Variants in EIF4A1 observed in about 807,000 individuals in gnomAD.
EIF4A1 encodes eukaryotic translation initiation factor 4A1.
Under a neutral mutation model 53.5 loss-of-function variants are expected in EIF4A1, and 11 were observed. The observed-to-expected ratio is 0.21, with a 90% CI of 0.13 to 0.34. The LOEUF is 0.34. EIF4A1 is among the 10% of genes least tolerant of loss of function. The pLI is 1.00. For synonymous variants in EIF4A1, 237 were observed against 186.7 expected (o/e 1.27, Z -2.20); for missense variants, 213 against 530.8 (o/e 0.40, Z 5.88).
At chr17:7,578,063 T>G in intron 9 of EIF4A1, 102 bp from the exon 10 acceptor site, 1 of 1,581,636 alleles carries the variant, frequency 6.3e-7, no homozygotes, top group African/African-American at 1.3e-5. Flanking sequence ...GATGCTTATT[T>G]CCTCTGCCTT....
chr17:7,574,376 C>T (rs1236463271), intron 2 of EIF4A1, 68 bp downstream of exon 2: 14 of 1,610,462 alleles, frequency 8.7e-6, no homozygotes, highest in South Asian at 4.4e-5. Flanking sequence ...GTTAGAGTGG[C>T]CTCTTGATTG....
At position 7,575,168 on chromosome 17, in the gene EIF4A1, A is replaced by C. The variant is rs1420564772; in HGVS notation, c.255A>C (p.Thr85=). 1 of 1,612,626 alleles carries C rather than the reference A, an allele frequency of 6.2e-7. No individual in the cohort carries two copies. Among genetic ancestry groups the C allele is most frequent in the African/African-American group, 1.3e-5 (1 of 74,866 alleles). The change falls in exon 4 of 11, where the codon ACA becomes ACC. Residue 85 remains threonine, a synonymous_variant. Coordinates refer to ENST00000293831, the MANE Select transcript of EIF4A1 (RefSeq NM_001416.4). ...AATCTGGGACTGGGAAAACGGCCACATTTGCCATATCGATTCTGCAGCAGA... is the reference window on the plus strand; with the variant it reads ...AATCTGGGACTGGGAAAACGGCCACCTTTGCCATATCGATTCTGCAGCAGA... ...QAQSGTGKTA[T]FAISILQQIE...
chr17:7,578,328 T>C lies in EIF4A1; in HGVS notation c.1077-14T>C. ...AAGCTCCTGATATTCCTCATCCCCTTCCTTGTTTTCCAGAATCGGTCGAGG... is the reference window on the plus strand; with the variant it reads ...AAGCTCCTGATATTCCTCATCCCCTCCCTTGTTTTCCAGAATCGGTCGAGG... On this transcript the variant is annotated splice_polypyrimidine_tract_variant and intron_variant, in intron 10 of 10. Coordinates refer to ENST00000293831, the MANE Select transcript of EIF4A1 (RefSeq NM_001416.4). 6 of 1,612,718 alleles carry C rather than the reference T, an allele frequency of 3.7e-6. No homozygotes were observed. The highest frequency in any genetic ancestry group is 1.3e-5 in the African/African-American group (1 of 74,976).
At chr17:7,574,433 G>T in intron 2 of EIF4A1, 113 bp from the exon 3 acceptor site, 8 of 1,601,248 alleles carry the variant, frequency 5.0e-6, no homozygotes, top group Non-Finnish European at 6.8e-6. Flanking sequence ...AAGGGAGGAG[G>T]GTTGTAAGCT....
intron 4 of EIF4A1, 154 bp downstream of exon 4, chr17:7,575,412 CT>C: frequency 8.9e-7 from 1 of 1,128,762 alleles, no homozygotes; most frequent in Non-Finnish European, 1.3e-6. Context: ...AAAGCTATTT[CT>C]TACCCAAACG....
At chr17:7,572,920 C>A in intron 1 of EIF4A1, 56 bp downstream of exon 1, 1 of 1,614,026 alleles carries the variant, frequency 6.2e-7, no homozygotes, top group Non-Finnish European at 8.5e-7. Context: ...CCCCTTCCGA[C>A]GGGCCCGCCG....
intron 5 of EIF4A1, 49 bp downstream of exon 5, chr17:7,576,741 C>G (rs369402251): frequency 1.1e-4 from 174 of 1,568,540 alleles, no homozygotes; most frequent in Middle Eastern, 1.7e-4. Flanking sequence ...CTCTTGTGCA[C>G]GCTTTCCAGT....
chr17:7,573,708 C>G (rs865979455), intron 1 of EIF4A1: 1 of 156,508 alleles, frequency 6.4e-6, no homozygotes, highest in Non-Finnish European at 1.4e-5. Context: ...GTGCAATCTC[C>G]CCCTTTGCTA....
intron 3 of EIF4A1, 124 bp downstream of exon 3, chr17:7,574,802 G>A (rs748670696): frequency 1.9e-5 from 29 of 1,531,022 alleles, no homozygotes; most frequent in Non-Finnish European, 8.0e-6. Context: ...ATCCCAGCTT[G>A]GCTTTTGATC....
chr17:7,575,710 T>A (rs938530655), intron 4 of EIF4A1: 1 of 289,162 alleles, frequency 3.5e-6, no homozygotes, highest in Non-Finnish European at 6.8e-6. Context: ...TTTTAAATGT[T>A]CTGTGGCAGG....
intron 1 of EIF4A1, 88 bp downstream of exon 1, chr17:7,572,952 A>T: frequency 8.1e-6 from 13 of 1,611,436 alleles, no homozygotes; most frequent in Non-Finnish European, 1.1e-5. Flanking sequence ...GAGGCCCACC[A>T]GGGTTGCGGG....
rs2071413866 is a variant in EIF4A1, at chr17:7,577,180, G to A, written c.624+15G>A. ...GCAACACCCAGGTGAGGGCAGTCTT[G>A]CTTGAATAGCTAATGATTCTTGAAA... On this transcript the variant is annotated intron_variant, in intron 6 of 10. Transcript: ENST00000293831. This position sits in a 1 kb window ranked among gnomAD's most constrained non-coding sequence, Gnocchi z 4.7. 1 of 1,581,956 alleles carries A rather than the reference G, an allele frequency of 6.3e-7. No homozygotes were observed.
At chr17:7,573,496 G>A (rs1411497479) in intron 1 of EIF4A1, 1 of 154,914 alleles carries the variant, frequency 6.5e-6, no homozygotes, top group East Asian at 1.9e-4. Context: ...CCGGGCTATT[G>A]GCAAACTGCG....
rs754139191 is a variant in EIF4A1 at position 7,572,868 on chromosome 17, A to G, written c.23+4A>G. 1.1e-5 allele frequency: 17 copies of G among 1,614,168 alleles called. No individual in the cohort carries two copies. The highest frequency in any genetic ancestry group is 1.4e-5 in the Non-Finnish European group (16 of 1,179,976). On this transcript the variant is annotated splice_donor_region_variant and intron_variant, in intron 1 of 10. Transcript: ENST00000293831. ...TGTCTGCGAGCCAGGATTCCCGGTA[A>G]GAAAGGCATTTGCAAGAGATTGTGG...
In EIF4A1 at chr17:7,578,780, GCTC is replaced by G. The variant is rs757831321; in HGVS notation, c.*297_*299del. On this transcript the variant is annotated 3_prime_UTR_variant, in exon 11 of 11. Transcript: ENST00000293831. ...CAGAGGCTCTCCTCACCTCAGCTGAGCTCCTTTGAAAGTGATTCAAGGGACTAT... is the reference window on the plus strand; with the variant it reads ...CAGAGGCTCTCCTCACCTCAGCTGAGCTTTGAAAGTGATTCAAGGGACTAT... 3.9e-5 allele frequency: 9 copies of G among 233,088 alleles called. No individual in the cohort carries two copies. The highest frequency in any genetic ancestry group is 6.7e-5 in the Non-Finnish European group (8 of 119,860). The allele number at this position is 233,088 out of a possible 1,614,324, so 14.4% of individuals were successfully genotyped here. A position where few individuals can be genotyped will look rare whatever the true frequency, so the allele number is the denominator to read the frequency against.
intron 5 of EIF4A1, 178 bp from the exon 6 acceptor site, chr17:7,576,878 G>C: frequency 7.5e-7 from 1 of 1,341,710 alleles, no homozygotes; most frequent in Non-Finnish European, 1.1e-6. Flanking sequence ...CCCTGGCAGT[G>C]TCCTACTTCC....
intron 4 of EIF4A1, chr17:7,575,511 C>G (rs1358788416): frequency 5.0e-6 from 3 of 597,534 alleles, no homozygotes; most frequent in African/African-American, 3.7e-5. Context: ...TGACTGTGTT[C>G]TGAATAAGCA....
At chr17:7,574,798 G>C (rs1272060896) in intron 3 of EIF4A1, 120 bp downstream of exon 3, 1 of 1,548,620 alleles carries the variant, frequency 6.5e-7, no homozygotes, top group African/African-American at 1.4e-5. Flanking sequence ...GTTCATCCCA[G>C]CTTGGCTTTT....
At chr17:7,573,377 G>C (rs990828837) in intron 1 of EIF4A1, 3 of 187,804 alleles carry the variant, frequency 1.6e-5, no homozygotes, top group Non-Finnish European at 3.4e-5. Flanking sequence ...GCCGTTCAGT[G>C]TGCTGGTTTT....
Sources: gnomAD v4.1 joint callset for allele counts on GRCh38, gnomAD v4.1.1 for gene constraint, Gnocchi (gnomAD v3.1) non-coding constraint, MANE v1.5 for transcripts, NCBI Gene and HGNC (gene_info 2026-07-23, HGNC 2026-07-21) for gene names.